Variants in LHFPL3 observed in about 807,000 individuals in gnomAD.
LHFPL3 encodes the protein LHFPL tetraspan subfamily member 3, also known as LHFPL tetraspan subfamily member 3 protein.
A neutral mutation model predicts 19.3 loss-of-function variants in LHFPL3; 5 were observed. The ratio of observed to expected loss-of-function variants is 0.26; its 90% CI spans 0.14 to 0.54. LHFPL3 has a LOEUF of 0.54. LHFPL3 is among the 20% of genes least tolerant of loss of function. The pLI is 0.94. For synonymous variants in LHFPL3, 133 were observed against 126.2 expected, an observed-to-expected ratio of 1.05 and a Z score of -0.36; for missense variants, 249 against 307.4, an observed-to-expected ratio of 0.81 and a Z score of 1.42.
chr7:104,532,916 A>G (rs114309157), intron 1 of LHFPL3, among the ~76,000 whole-genome samples: 2,460 of 152,338 alleles, frequency 0.016, 68 homozygotes, highest in African/African-American at 0.056. Flanking sequence ...CAGAGTGTCC[A>G]ATGTAGAAGA....
At chr7:104,751,747 C>T (rs1318432668) in intron 2 of LHFPL3, among the ~76,000 whole-genome samples, 6 of 152,182 alleles carry the variant, frequency 3.9e-5, no homozygotes, top group South Asian at 2.1e-4. Flanking sequence ...GCATTTTTAT[C>T]GAAAAAGACT....
intron 1 of LHFPL3, among the ~76,000 whole-genome samples, chr7:104,630,696 G>T (rs370724005): frequency 4.6e-5 from 7 of 152,092 alleles, no homozygotes; most frequent in African/African-American, 1.7e-4. Flanking sequence ...TTGTATATCA[G>T]TCAAGGTCCA....
At chr7:104,716,076 C>T (rs1165598121) in intron 1 of LHFPL3, among the ~76,000 whole-genome samples, 1 of 152,044 alleles carries the variant, frequency 6.6e-6, no homozygotes, top group African/African-American at 2.4e-5. Flanking sequence ...GGGCCAGGCA[C>T]GCTGGCTCAT....
intron 1 of LHFPL3, among the ~76,000 whole-genome samples, chr7:104,502,274 T>C (rs1234850764): frequency 1.3e-5 from 2 of 152,210 alleles, no homozygotes; most frequent in Non-Finnish European, 2.9e-5. Flanking sequence ...AAATTTGTTG[T>C]CTTTGTCCCA....
intron 2 of LHFPL3, among the ~76,000 whole-genome samples, chr7:104,760,511 T>G (rs1794354137): frequency 6.6e-6 from 1 of 152,214 alleles, no homozygotes; most frequent in Non-Finnish European, 1.5e-5. Flanking sequence ...TACAGTAGCC[T>G]TTTCCAAAGT....
At chr7:104,739,800 T>C (rs1793898613) in intron 2 of LHFPL3, among the ~76,000 whole-genome samples, 1 of 152,202 alleles carries the variant, frequency 6.6e-6, no homozygotes, top group Admixed American at 6.5e-5. Context: ...ATGTCATATC[T>C]CAAGACTTGG....
At chr7:104,614,680 C>CTTCT (rs60085377) in intron 1 of LHFPL3, among the ~76,000 whole-genome samples, 75 of 94,402 alleles carry the variant, frequency 7.9e-4, no homozygotes, top group East Asian at 1.5e-3. Flanking sequence ...TCCTTCCTTC[C>CTTCT]TTCTTTCTTT....
At chr7:104,445,735 C>T (rs185512113) in intron 1 of LHFPL3, among the ~76,000 whole-genome samples, 11 of 152,254 alleles carry the variant, frequency 7.2e-5, no homozygotes, top group East Asian at 1.9e-4. Context: ...GTTGAAGATA[C>T]GCAACTAAGG....
chr7:104,839,497 C>T (rs1284307924), intron 2 of LHFPL3, among the ~76,000 whole-genome samples: 1 of 151,902 alleles, frequency 6.6e-6, no homozygotes, highest in East Asian at 1.9e-4. Flanking sequence ...CAAAACCCCC[C>T]TCTCTACTAG....
At chr7:104,583,949 C>T (rs1790512145) in intron 1 of LHFPL3, among the ~76,000 whole-genome samples, 1 of 151,872 alleles carries the variant, frequency 6.6e-6, no homozygotes, top group Non-Finnish European at 1.5e-5. Context: ...CCAGCCATCC[C>T]ATTACTGGGT....
intron 1 of LHFPL3, among the ~76,000 whole-genome samples, chr7:104,457,453 T>TC (rs1383981874): frequency 6.6e-6 from 1 of 152,176 alleles, no homozygotes; most frequent in East Asian, 1.9e-4. Flanking sequence ...ACTCATCATT[T>TC]TTATGGCTGC....
chr7:104,679,460 C>T (rs771930645), intron 1 of LHFPL3, among the ~76,000 whole-genome samples: 18 of 152,230 alleles, frequency 1.2e-4, no homozygotes, highest in Non-Finnish European at 2.9e-5. Context: ...TTAGGCTCTG[C>T]CTCTCAAAGG....
At chr7:104,588,663 G>T (rs1487955367) in intron 1 of LHFPL3, among the ~76,000 whole-genome samples, 1 of 152,152 alleles carries the variant, frequency 6.6e-6, no homozygotes. Context: ...GAAAGTCATT[G>T]GTAGCTTGAT....
At position 104,841,726 on chromosome 7, in the gene LHFPL3, C is replaced by T. The variant is rs183741023; in HGVS notation, c.683-64461C>T. Among the ~76,000 whole-genome samples the T allele has an allele frequency of 2.0e-4, 30 of 152,176 alleles. No homozygotes were observed. The East Asian group carries it at 3.9e-3, about 20-fold the overall frequency. ...TTACTAGCTATGATATAAAACTGGA[C>T]GGATCTTTAAAATAACTTTTGCACC... On this transcript the variant is annotated intron_variant, in intron 2 of 2. Coordinates refer to ENST00000424859, the MANE Select transcript of LHFPL3 (RefSeq NM_199000.3).
At chr7:104,495,902 C>T (rs1032172570) in intron 1 of LHFPL3, among the ~76,000 whole-genome samples, 4 of 151,974 alleles carry the variant, frequency 2.6e-5, no homozygotes, top group Non-Finnish European at 5.9e-5. Context: ...TCATTTAATC[C>T]TCATTTATTA....
chr7:104,450,871 A>G (rs1180760280), intron 1 of LHFPL3, among the ~76,000 whole-genome samples: 1 of 152,204 alleles, frequency 6.6e-6, no homozygotes, highest in Admixed American at 6.5e-5. Context: ...CTTCCCTATG[A>G]ATGTCCTTTC....
chr7:104,589,854 C>T lies in LHFPL3; in HGVS notation c.446-146821C>T, dbSNP rs533133526. Among the ~76,000 whole-genome samples, 112 of 152,050 alleles carry T rather than the reference C, an allele frequency of 7.4e-4. 1 individual carries two copies. Among genetic ancestry groups the T allele is most frequent in the Non-Finnish European group, 1.4e-3 (92 of 67,958 alleles). On this transcript the variant is annotated intron_variant, in intron 1 of 2. Transcript: ENST00000424859. ...GTTTAATCTTGGGAGGGTGTATGTGCCGAGGAATTTATCCATTTCTTCTAG... is the reference window on the plus strand; with the variant it reads ...GTTTAATCTTGGGAGGGTGTATGTGTCGAGGAATTTATCCATTTCTTCTAG...
At chr7:104,823,615 C>A (rs530515051) in intron 2 of LHFPL3, among the ~76,000 whole-genome samples, 1 of 152,118 alleles carries the variant, frequency 6.6e-6, no homozygotes, top group Non-Finnish European at 1.5e-5. Flanking sequence ...ATAAAGATCA[C>A]TATAGATTTA....
chr7:104,779,728 A>G (rs1794689322), intron 2 of LHFPL3, among the ~76,000 whole-genome samples: 1 of 152,186 alleles, frequency 6.6e-6, no homozygotes, highest in Non-Finnish European at 1.5e-5. Flanking sequence ...TTCAGCACTG[A>G]TATGCGCTGG....
Sources: allele counts gnomAD v4.1 joint callset (sites outside exome capture counted in the v4.1 genomes callset), GRCh38; gene constraint gnomAD v4.1.1; transcripts MANE v1.5; gene names NCBI Gene and HGNC (gene_info 2026-07-23, HGNC 2026-07-21).